RAB27A: variants seen among roughly 807,000 people sequenced by gnomAD.
The protein encoded by RAB27A is RAB27A, member RAS oncogene family, also known as ras-related protein Rab-27A.
In RAB27A, 17 loss-of-function variants were observed where a neutral mutation model predicts 20.8. That is an observed-to-expected ratio of 0.82 (90% CI 0.56 to 1.23). The LOEUF (loss-of-function observed/expected upper bound fraction) is 1.23, where lower values mean the gene tolerates loss of function less well. Among genes scored for constraint, RAB27A ranks in the 50% most tolerant of loss-of-function variants. The pLI, the probability that RAB27A is intolerant of heterozygous loss-of-function variation, is 0.00. For synonymous variants in RAB27A, 85 were observed against 92.8 expected, an observed-to-expected ratio of 0.92 and a Z score of 0.48; for missense variants, 277 against 266.7, an observed-to-expected ratio of 1.04 and a Z score of -0.27.
At chr15:55,270,956 A>G (rs1595737959) in intron 1 of RAB27A, 2 of 152,332 alleles carry the variant, frequency 1.3e-5, no homozygotes, top group South Asian at 4.1e-4. Flanking sequence ...GATGGCTCTC[A>G]TTAACTCCTC....
At chr15:55,315,381 G>A (rs2141148205) in intron 1 of RAB27A, among the ~76,000 whole-genome samples, 1 of 152,226 alleles carries the variant, frequency 6.6e-6, no homozygotes, top group Non-Finnish European at 1.5e-5. Flanking sequence ...CCACCAAAAA[G>A]CAATTGCAAC....
chr15:55,317,501 G>C, intron 1 of RAB27A: 1 of 327,560 alleles, frequency 3.1e-6, no homozygotes, highest in East Asian at 4.4e-5. Context: ...TTTCAGTAGA[G>C]ACAGGGTTTC....
chr15:55,288,887 A>C (rs1206000881), intron 1 of RAB27A: 1 of 152,216 alleles, frequency 6.6e-6, no homozygotes, highest in Non-Finnish European at 1.5e-5. Flanking sequence ...GATTACAGAA[A>C]ACTTAAATAG....
At chr15:55,267,469 C>A (rs1897539253) in intron 2 of RAB27A, among the ~76,000 whole-genome samples, 2 of 152,198 alleles carry the variant, frequency 1.3e-5, no homozygotes, top group Non-Finnish European at 2.9e-5. Context: ...CAGCCTACAC[C>A]ACAGGACCTC....
chr15:55,283,769 T>C (rs964756340), intron 1 of RAB27A, among the ~76,000 whole-genome samples: 4 of 152,334 alleles, frequency 2.6e-5, no homozygotes, highest in African/African-American at 9.6e-5. Flanking sequence ...ATTTAAGTCA[T>C]GACCTATTTC....
At chr15:55,283,055 T>C (rs1738618803) in intron 1 of RAB27A, among the ~76,000 whole-genome samples, 1 of 152,184 alleles carries the variant, frequency 6.6e-6, no homozygotes, top group Non-Finnish European at 1.5e-5. Context: ...ACGTGTAACT[T>C]GGGAAACTGT....
intron 2 of RAB27A, among the ~76,000 whole-genome samples, chr15:55,302,344 G>A (rs569131027): frequency 2.0e-5 from 3 of 152,180 alleles, no homozygotes; most frequent in South Asian, 2.1e-4. Flanking sequence ...CCGAGGTGCC[G>A]GGATTGCAGA....
intron 6 of RAB27A, among the ~76,000 whole-genome samples, chr15:55,211,113 G>A (rs1302041220): frequency 6.6e-6 from 1 of 152,012 alleles, no homozygotes; most frequent in Admixed American, 6.6e-5. Flanking sequence ...TGTTCCATTG[G>A]CCTATGTGTC....
intron 2 of RAB27A, among the ~76,000 whole-genome samples, chr15:55,269,337 A>T (rs762608122): frequency 6.6e-6 from 1 of 152,244 alleles, no homozygotes; most frequent in African/African-American, 2.4e-5. Flanking sequence ...ATTTCCTTAC[A>T]TAACAATACC....
intron 2 of RAB27A, chr15:55,237,526 A>G (rs1440342930): frequency 6.6e-6 from 1 of 152,158 alleles, no homozygotes; most frequent in Non-Finnish European, 1.5e-5. Context: ...TAGCTTGGAT[A>G]TTTGCAAGTA....
chr15:55,262,552 A>AAT (rs1395462988), intron 2 of RAB27A, among the ~76,000 whole-genome samples: 1 of 150,974 alleles, frequency 6.6e-6, no homozygotes, highest in Non-Finnish European at 1.5e-5. Flanking sequence ...AAAGAAAAAA[A>AAT]AAAAATAGGT....
chr15:55,235,620 G>A (rs1896224309), intron 2 of RAB27A, among the ~76,000 whole-genome samples: 1 of 152,070 alleles, frequency 6.6e-6, no homozygotes, highest in African/African-American at 2.4e-5. Flanking sequence ...AGAGGAAAGA[G>A]AATGTTATAA....
rs139437105 is a variant in RAB27A at position 55,214,798 on chromosome 15, T to A, written c.467+9091A>T. On this transcript the variant is annotated intron_variant, in intron 6 of 6. Coordinates refer to ENST00000336787, the MANE Select transcript of RAB27A (RefSeq NM_183235.3). Reference sequence around the variant, plus strand: ...CAATCCTTTGTGACTGGAGTCAATATGTGTTTATTTATCAAGAATCTATAA... The same window carrying A: ...CAATCCTTTGTGACTGGAGTCAATAAGTGTTTATTTATCAAGAATCTATAA... Among the ~76,000 whole-genome samples, 108 of 152,260 alleles carry A rather than the reference T, an allele frequency of 7.1e-4. No individual in the cohort carries two copies. The East Asian group carries it at 0.016, about 23-fold the overall frequency.
chr15:55,257,488 T>TG (rs1418104317), intron 2 of RAB27A, among the ~76,000 whole-genome samples: 2 of 152,238 alleles, frequency 1.3e-5, no homozygotes, highest in African/African-American at 2.4e-5. Flanking sequence ...GGGCAGTCCC[T>TG]GCTGCTCTGA....
At chr15:55,245,019 G>C (rs941493612) in intron 2 of RAB27A, among the ~76,000 whole-genome samples, 1 of 152,172 alleles carries the variant, frequency 6.6e-6, no homozygotes, top group African/African-American at 2.4e-5. Context: ...CCAAAAGCAA[G>C]GAAGAGAAGT....
At chr15:55,262,994 C>G (rs1277681310) in intron 2 of RAB27A, among the ~76,000 whole-genome samples, 1 of 152,188 alleles carries the variant, frequency 6.6e-6, no homozygotes, top group Admixed American at 6.5e-5. Flanking sequence ...TGGGTGTCAA[C>G]TTTATCACAT....
chr15:55,253,559 C>T (rs942345493), intron 2 of RAB27A, among the ~76,000 whole-genome samples: 1 of 152,170 alleles, frequency 6.6e-6, no homozygotes, highest in Non-Finnish European at 1.5e-5. Context: ...AGAACTTAGT[C>T]CCCCAAGGCC....
rs1204017741 is a variant in RAB27A, at chr15:55,241,598, ATT to A, written c.-22-6644_-22-6643del. Among the ~76,000 whole-genome samples, 5 of 96,904 alleles carry A rather than the reference ATT, an allele frequency of 5.2e-5. 1 individual carries two copies. Among genetic ancestry groups the A allele is most frequent in the African/African-American group, 2.8e-4 (5 of 18,140 alleles). 63.6% of individuals were successfully genotyped at this position (96,904 alleles called of 152,430 possible). A position where few individuals can be genotyped will look rare whatever the true frequency, so the allele number is the denominator to read the frequency against. On this transcript the variant is annotated intron_variant, in intron 2 of 6. Transcript: ENST00000336787. ...CTAGCCCAGGCAACTAGCAAGACCT[ATT>A]TATATATATATATATATATATATAT...
chr15:55,221,506 C>T (rs895335835), intron 6 of RAB27A, among the ~76,000 whole-genome samples: 1 of 152,140 alleles, frequency 6.6e-6, no homozygotes, highest in South Asian at 2.1e-4. Flanking sequence ...GCCGGTAAGA[C>T]TCTGTCAGCC....
Sources: gnomAD v4.1 joint callset for allele counts (sites outside exome capture counted in the v4.1 genomes callset) on GRCh38, gnomAD v4.1.1 for gene constraint, MANE v1.5 for transcripts, NCBI Gene and HGNC (gene_info 2026-07-23, HGNC 2026-07-21) for gene names.